Variants in DOCK5 observed in about 807,000 individuals in gnomAD.
DOCK5 encodes the protein dedicator of cytokinesis protein 5.
A neutral mutation model predicts 251.8 loss-of-function variants in DOCK5; 142 were observed. The observed-to-expected ratio is 0.56, with a 90% CI of 0.49 to 0.65. The LOEUF (loss-of-function observed/expected upper bound fraction) is 0.65, where lower values mean the gene tolerates loss of function less well. Among genes scored for constraint, DOCK5 ranks in the 30% least tolerant of loss-of-function variants. The pLI, the probability that DOCK5 is intolerant of heterozygous loss-of-function variation, is 0.00. For synonymous variants in DOCK5, 842 were observed against 835.5 expected (o/e 1.01, Z -0.13); for missense variants, 2,111 against 2,312.3 (o/e 0.91, Z 1.79).
At chr8:25,354,143 A>G (rs1210092812) in intron 27 of DOCK5, among the ~76,000 whole-genome samples, 1 of 151,336 alleles carries the variant, frequency 6.6e-6, no homozygotes, top group Non-Finnish European at 1.5e-5. Context: ...GCATTGCTTC[A>G]CTAATCCCTT....
At chr8:25,213,688 C>T (rs575843678) in intron 1 of DOCK5, among the ~76,000 whole-genome samples, 1 of 152,268 alleles carries the variant, frequency 6.6e-6, no homozygotes, top group East Asian at 1.9e-4. Context: ...AGCAGTAATG[C>T]AAATTAAATG....
chr8:25,287,485 G>A (rs1031081036), intron 5 of DOCK5, among the ~76,000 whole-genome samples: 25 of 152,148 alleles, frequency 1.6e-4, no homozygotes, highest in African/African-American at 5.5e-4. Context: ...AGGTATCTCC[G>A]TATCTCCAAG....
At chr8:25,381,737 G>T (rs759309743) in intron 39 of DOCK5, among the ~76,000 whole-genome samples, 1 of 152,166 alleles carries the variant, frequency 6.6e-6, no homozygotes, top group Non-Finnish European at 1.5e-5. Flanking sequence ...CACCTAGATA[G>T]AAGAGTAATG....
At chr8:25,299,409 C>T (rs1391821559) in intron 8 of DOCK5, 1 of 267,844 alleles carries the variant, frequency 3.7e-6, no homozygotes, top group African/African-American at 2.2e-5. Context: ...AGGCAGAGCA[C>T]AGAGGATTTT....
At chr8:25,277,003 C>G (rs1049294518) in intron 4 of DOCK5, 1 of 152,158 alleles carries the variant, frequency 6.6e-6, no homozygotes, top group African/African-American at 2.4e-5. Context: ...AAATTATGTT[C>G]ACATGTTTTA....
chr8:25,380,158 C>T, intron 38 of DOCK5, 147 bp from the exon 39 acceptor site: 1 of 671,818 alleles, frequency 1.5e-6, no homozygotes, highest in East Asian at 2.8e-5. Flanking sequence ...TTTCACTGAT[C>T]TAAGGGATAA....
At chr8:25,320,645 A>G (rs955551827) in intron 15 of DOCK5, among the ~76,000 whole-genome samples, 1 of 152,148 alleles carries the variant, frequency 6.6e-6, no homozygotes, top group Non-Finnish European at 1.5e-5. Context: ...AGATCCAATT[A>G]TTACTATATT....
intron 30 of DOCK5, 74 bp downstream of exon 30, chr8:25,364,778 G>A (rs1800747424): frequency 9.0e-7 from 1 of 1,109,524 alleles, no homozygotes; most frequent in South Asian, 1.4e-5. Flanking sequence ...TTTGGAAAAT[G>A]TCTCCTCAGA....
chr8:25,389,444 C>A (rs554034310), intron 41 of DOCK5, among the ~76,000 whole-genome samples: 5 of 152,284 alleles, frequency 3.3e-5, no homozygotes, highest in African/African-American at 1.2e-4. Context: ...AGATAATAGA[C>A]AAATGATGGA....
At chr8:25,363,493 A>T (rs1800724782) in intron 29 of DOCK5, among the ~76,000 whole-genome samples, 1 of 152,230 alleles carries the variant, frequency 6.6e-6, no homozygotes, top group South Asian at 2.1e-4. Context: ...CCGGTCCATG[A>T]TGTATTTAAC....
chr8:25,242,984 C>G (rs1476631478), intron 1 of DOCK5, among the ~76,000 whole-genome samples: 1 of 152,238 alleles, frequency 6.6e-6, no homozygotes, highest in African/African-American at 2.4e-5. Context: ...GTCTGATGAA[C>G]AAGGGCACTG....
chr8:25,332,925 A>G (rs1336606926), intron 20 of DOCK5, among the ~76,000 whole-genome samples: 2 of 152,158 alleles, frequency 1.3e-5, no homozygotes, highest in African/African-American at 2.4e-5. Flanking sequence ...CTTTCTCATT[A>G]GAGAAGATAA....
intron 6 of DOCK5, among the ~76,000 whole-genome samples, 173 bp downstream of exon 6, chr8:25,292,345 C>A (rs572866811): frequency 2.0e-5 from 3 of 152,112 alleles, no homozygotes; most frequent in South Asian, 2.1e-4. Context: ...TGTCACAGTT[C>A]CCTCCATGGC....
intron 20 of DOCK5, 143 bp downstream of exon 20, chr8:25,332,835 C>G: frequency 4.8e-6 from 3 of 623,546 alleles, no homozygotes; most frequent in Non-Finnish European, 7.7e-6. Flanking sequence ...GGCTGAATTC[C>G]TAGAAGTACT....
intron 48 of DOCK5, 58 bp downstream of exon 48, chr8:25,403,782 C>A (rs1191654019): frequency 1.9e-6 from 3 of 1,566,744 alleles, no homozygotes; most frequent in Non-Finnish European, 1.7e-6. Flanking sequence ...CTAATGTTTG[C>A]CTTTAGCCAC....
chr8:25,266,002 C>A (rs532715421), intron 2 of DOCK5, among the ~76,000 whole-genome samples: 1 of 151,936 alleles, frequency 6.6e-6, no homozygotes, highest in African/African-American at 2.4e-5. Flanking sequence ...GCATAGAATA[C>A]GTTGGTGTTC....
intron 24 of DOCK5, 87 bp from the exon 25 acceptor site, chr8:25,342,314 A>C: frequency 9.9e-7 from 1 of 1,014,216 alleles, no homozygotes; most frequent in Non-Finnish European, 1.5e-6. Flanking sequence ...TCCATGCCCA[A>C]ATCTCAGAGT....
chr8:25,365,418 T>C (rs1309001244), intron 30 of DOCK5, among the ~76,000 whole-genome samples: 1 of 152,226 alleles, frequency 6.6e-6, no homozygotes, highest in Non-Finnish European at 1.5e-5. Flanking sequence ...GTCCAAGTTC[T>C]TGACGTTTTG....
At chr8:25,240,016 G>A (rs1410017123) in intron 1 of DOCK5, among the ~76,000 whole-genome samples, 1 of 152,086 alleles carries the variant, frequency 6.6e-6, no homozygotes, top group East Asian at 1.9e-4. Flanking sequence ...GCAGGCCCAG[G>A]GAAGAGCTGG....
Sources: allele counts gnomAD v4.1 joint callset (sites outside exome capture counted in the v4.1 genomes callset), GRCh38; gene constraint gnomAD v4.1.1; transcripts MANE v1.5; gene names NCBI Gene and HGNC (gene_info 2026-07-23, HGNC 2026-07-21).